Variants in AKAP8L observed in about 807,000 individuals in gnomAD.
AKAP8L encodes the protein A-kinase anchor protein 8-like.
In AKAP8L, 34 loss-of-function variants were observed where a neutral mutation model predicts 77.5. The observed-to-expected ratio is 0.44, with a 90% confidence interval of 0.33 to 0.58. The LOEUF (loss-of-function observed/expected upper bound fraction) is 0.58. AKAP8L is among the 20% of genes least tolerant of loss of function. AKAP8L has a pLI of 0.02. For synonymous variants in AKAP8L, 342 were observed against 340.7 expected, an observed-to-expected ratio of 1.00 and a Z score of -0.04; for missense variants, 806 against 887.6, an observed-to-expected ratio of 0.91 and a Z score of 1.17.
chr19:15,382,828 T>C (rs955668287), intron 12 of AKAP8L, among the ~76,000 whole-genome samples: 12 of 152,330 alleles, frequency 7.9e-5, no homozygotes, highest in African/African-American at 2.9e-4. Context: ...CTGCACAACA[T>C]GGCAAGACTC....
At chr19:15,391,966 G>C (rs906246651) in intron 12 of AKAP8L, among the ~76,000 whole-genome samples, 4 of 152,156 alleles carry the variant, frequency 2.6e-5, no homozygotes, top group African/African-American at 9.7e-5. Context: ...CTCCTGCGTA[G>C]CGGGGACTAC....
Position 15,401,036 on chromosome 19 carries a change from T to C in AKAP8L, c.824A>G (p.Lys275Arg). ...TWTTADFRTK[K>R]KKRKQGGSPD... The stretch of plus-strand genomic sequence containing the variant: ...ACTGCCGCCCTGCTTTCTCTTCTTC[T>C]TCTTGGTCTGGGTCATAAGGGGGGG... The change falls in exon 6 of 14, where the codon AAG (lysine) becomes AGG (arginine). Residue 275 changes from lysine to arginine, a missense_variant. Physicochemically the swap from Lys to Arg is conservative, Grantham distance 26. Coordinates refer to ENST00000397410, the MANE Select transcript of AKAP8L (RefSeq NM_014371.4). The surrounding 1 kb of genome is among the most constrained non-coding windows in gnomAD (Gnocchi z 6.2). 1.2e-6 allele frequency: 2 copies of C among 1,613,212 alleles called. No individual in the cohort carries two copies. Among genetic ancestry groups the C allele is most frequent in the Non-Finnish European group, 1.7e-6 (2 of 1,179,870 alleles).
chr19:15,392,844 C>G (rs1967690283), intron 12 of AKAP8L, among the ~76,000 whole-genome samples: 1 of 135,004 alleles, frequency 7.4e-6, no homozygotes, highest in East Asian at 2.2e-4. Flanking sequence ...TGCAGTGAGC[C>G]AAGATGGCAC....
At chr19:15,414,059 C>CTTTT (rs755252182) in intron 1 of AKAP8L, among the ~76,000 whole-genome samples, 30 of 119,970 alleles carry the variant, frequency 2.5e-4, no homozygotes, top group East Asian at 4.7e-4. Context: ...ATGAATAATT[C>CTTTT]TTTTTTTTTT....
At chr19:15,392,933 T>C (rs1336269036) in intron 12 of AKAP8L, among the ~76,000 whole-genome samples, 1 of 129,228 alleles carries the variant, frequency 7.7e-6, no homozygotes, top group African/African-American at 2.9e-5. Context: ...GAACAAAGCT[T>C]ACACCCTGAA....
intron 8 of AKAP8L, 118 bp downstream of exon 8, chr19:15,400,177 C>G (rs1200985714): frequency 9.5e-7 from 1 of 1,057,720 alleles, no homozygotes; most frequent in African/African-American, 1.6e-5. Flanking sequence ...CACTCGGGCC[C>G]ACAAGGGAGG....
intron 12 of AKAP8L, among the ~76,000 whole-genome samples, chr19:15,384,720 C>T (rs1045263319): frequency 9.2e-5 from 14 of 152,178 alleles, no homozygotes; most frequent in Non-Finnish European, 1.3e-4. Context: ...AGAAACACTA[C>T]GACTTTTTGT....
chr19:15,411,380 G>A lies in AKAP8L; in HGVS notation c.14-786C>T, dbSNP rs546531345. On this transcript the variant is annotated intron_variant, in intron 1 of 13. Transcript: ENST00000397410. ...CAATTATAACAATTATTTCTGGGCC[G>A]GGCAGTGGCTCATGCCTGTAATCCC... is the stretch of plus-strand genomic sequence containing the variant. Among the ~76,000 whole-genome samples, 4 of 152,170 alleles carry A rather than the reference G, an allele frequency of 2.6e-5. No individual in the cohort carries two copies. In the East Asian group the frequency reaches 5.8e-4, roughly 22 times the overall value.
At position 15,384,983 on chromosome 19, in the gene AKAP8L, T is replaced by A. The variant is rs1157527163; in HGVS notation, c.1537-4371A>T. Among the ~76,000 whole-genome samples, 5 of 150,860 alleles carry A rather than the reference T, an allele frequency of 3.3e-5. No homozygotes were observed. The East Asian group carries it at 9.7e-4, about 29-fold the overall frequency. ...CCTCCCAGGTTCATGCCATTCTCTT[T>A]TTTTTTTTTTTTGAGACGGAGTCTC... On this transcript the variant is annotated intron_variant, in intron 12 of 13. Coordinates refer to ENST00000397410, the MANE Select transcript of AKAP8L (RefSeq NM_014371.4).
At chr19:15,406,402 A>AGAGAGAGAGAGAGAGAGAGC (rs1968001803) in intron 2 of AKAP8L, among the ~76,000 whole-genome samples, 1 of 146,786 alleles carries the variant, frequency 6.8e-6, no homozygotes, top group African/African-American at 2.5e-5. Context: ...AGAGAGAGAG[A>AGAGAGAGAGAGAGAGAGAGC]GATCCTTAAA....
intron 12 of AKAP8L, among the ~76,000 whole-genome samples, chr19:15,385,170 G>A (rs1182962052): frequency 6.6e-6 from 1 of 152,034 alleles, no homozygotes; most frequent in Non-Finnish European, 1.5e-5. Flanking sequence ...GTAGAGACGG[G>A]GTTTCACCGT....
At chr19:15,385,925 T>G (rs1359703208) in intron 12 of AKAP8L, among the ~76,000 whole-genome samples, 1 of 50,772 alleles carries the variant, frequency 2.0e-5, no homozygotes, top group African/African-American at 9.6e-5. Context: ...TTTCTTTTTT[T>G]TTTTTTGAGG....
intron 1 of AKAP8L, among the ~76,000 whole-genome samples, chr19:15,415,521 T>G (rs1048594062): frequency 6.6e-6 from 1 of 152,090 alleles, no homozygotes; most frequent in Non-Finnish European, 1.5e-5. Context: ...GACAGGATCT[T>G]GCTCTGTTGC....
Position 15,380,579 on chromosome 19 carries a change from T to G in AKAP8L, c.1570A>C (p.Met524Leu). 1 of 1,613,794 alleles carries G rather than the reference T, an allele frequency of 6.2e-7. No homozygotes were observed. The highest frequency in any genetic ancestry group is 8.5e-7 in the Non-Finnish European group (1 of 1,179,876). ...TTGTTGAGAATACTGCGGGCCACCATGAGGGAGGACTTCTTGGACTGCTCC... is the reference window on the plus strand; with the variant it reads ...TTGTTGAGAATACTGCGGGCCACCAGGAGGGAGGACTTCTTGGACTGCTCC... ...MMEQSKKSSL[M>L]VARSILNNKL... The change falls in exon 13 of 14, where the codon ATG becomes CTG. Residue 524 changes from methionine to leucine, a missense_variant. By Grantham distance (15) the Met-to-Leu change is conservative. Around this residue, in one of 2 missense-constraint regions of AKAP8L, gnomAD observed 226 missense variants for 193.5 expected, o/e 1.17. Transcript: ENST00000397410.
In AKAP8L at chr19:15,401,129, G is replaced by C; in HGVS notation, c.816+21C>G. ...CCAGTGGGAACTAAGCTTCCCAGAG[G>C]GGAAGGCTGCCTCCACTCACTCGGA... On this transcript the variant is annotated intron_variant, in intron 5 of 13. Transcript: ENST00000397410. This position sits in a 1 kb window ranked among gnomAD's most constrained non-coding sequence, Gnocchi z 6.2. 4 of 1,605,600 alleles carry C rather than the reference G, an allele frequency of 2.5e-6. No individual in the cohort carries two copies.
intron 1 of AKAP8L, among the ~76,000 whole-genome samples, chr19:15,414,327 G>A (rs1236575716): frequency 6.6e-6 from 1 of 152,154 alleles, no homozygotes; most frequent in East Asian, 1.9e-4. Context: ...AAAGTGCTGG[G>A]ATTACAGGCG....
intron 1 of AKAP8L, among the ~76,000 whole-genome samples, chr19:15,414,067 T>G (rs1968156394): frequency 6.7e-6 from 1 of 148,418 alleles, no homozygotes; most frequent in African/African-American, 2.5e-5. Context: ...TTCTTTTTTT[T>G]TTTTTTTTTT....
At chr19:15,389,400 A>C (rs570493804) in intron 12 of AKAP8L, among the ~76,000 whole-genome samples, 5 of 152,146 alleles carry the variant, frequency 3.3e-5, no homozygotes, top group Admixed American at 6.5e-5. Flanking sequence ...GAAAGAGAGA[A>C]AGGAGTAGGA....
chr19:15,397,224 C>A lies in AKAP8L; in HGVS notation c.1462G>T (p.Asp488Tyr). 1 of 1,613,976 alleles carries A rather than the reference C, an allele frequency of 6.2e-7. No individual in the cohort carries two copies. The highest frequency in any genetic ancestry group is 8.5e-7 in the Non-Finnish European group (1 of 1,179,898). The change falls in exon 12 of 14, where the codon GAC becomes TAC. Residue 488 changes from aspartate (D) to tyrosine (Y), a missense_variant. Physicochemically the swap from Asp to Tyr is radical, Grantham distance 160 (BLOSUM62 -3). This residue lies in a region of AKAP8L where 580 missense variants were observed against 694.1 expected (regional missense o/e 0.84). Coordinates refer to ENST00000397410, the MANE Select transcript of AKAP8L (RefSeq NM_014371.4). This position sits in a 1 kb window ranked among gnomAD's most constrained non-coding sequence, Gnocchi z 4.7. ...CCAAACTGCATGGGAATGAAGAGGT[C>A]GCAGGCTGCACAATGGGCTGCCTCC... ...KVEAAHCAACDLFIPMQFGII... is the reference protein window; with the variant it reads ...KVEAAHCAACYLFIPMQFGII...
Sources: gnomAD v4.1 joint callset for allele counts (sites outside exome capture counted in the v4.1 genomes callset) on GRCh38, gnomAD v4.1.1 for gene constraint, gnomAD v4.1.1 regional missense constraint, Gnocchi (gnomAD v3.1) non-coding constraint, MANE v1.5 for transcripts, NCBI Gene and HGNC (gene_info 2026-07-23, HGNC 2026-07-21) for gene names.